Variants in RFX6 observed in about 807,000 individuals in gnomAD.
RFX6 encodes DNA-binding protein RFX6.
A neutral mutation model predicts 110.8 loss-of-function variants in RFX6; 50 were observed. The ratio of observed to expected loss-of-function variants is 0.45; its 90% CI spans 0.36 to 0.57. The LOEUF is 0.57. Among genes scored for constraint, RFX6 ranks in the 20% least tolerant of loss-of-function variants. The probability of loss-of-function intolerance (pLI) is 0.00; values close to 1 mark genes in which losing one functional copy is unlikely to be tolerated. For synonymous variants in RFX6, 383 were observed against 411.2 expected, an observed-to-expected ratio of 0.93 and a Z score of 0.83; for missense variants, 990 against 1,127.0, an observed-to-expected ratio of 0.88 and a Z score of 1.74.
rs959254261 is a variant in RFX6, at chr6:116,919,215, T to G, written c.1101T>G (p.Ala367=). The G allele has an allele frequency of 1.9e-6, 3 of 1,613,234 alleles. No homozygotes were observed. The highest frequency in any genetic ancestry group is 1.7e-5 in the Admixed American group (1 of 59,964). Residue 367 remains alanine (A), a synonymous_variant, in exon 11 of 19, where the codon GCT becomes GCG. Coordinates refer to ENST00000332958, the MANE Select transcript of RFX6 (RefSeq NM_173560.4). ...CATCCTTGGAAAACTTGCCAGAAGC[T>G]CTAACTGACAAGAAAATACCTATTG... ...VVSSLENLPE[A]LTDKKIPIVR...
intron 15 of RFX6, 41 bp from the exon 16 acceptor site, chr6:116,925,412 A>AG (rs1433335969): frequency 8.0e-7 from 1 of 1,250,392 alleles, no homozygotes; most frequent in Non-Finnish European, 1.2e-6. Context: ...GAGGAATGTG[A>AG]GAAAAAATCT....
chr6:116,911,970 A>G (rs1036850134), intron 7 of RFX6, among the ~76,000 whole-genome samples: 1 of 152,232 alleles, frequency 6.6e-6, no homozygotes, highest in Non-Finnish European at 1.5e-5. Flanking sequence ...GATGACAGCC[A>G]TACTCTGTTA....
At position 116,914,933 on chromosome 6, in the gene RFX6, T is replaced by C. The variant is rs115370119; in HGVS notation, c.781-1075T>C. Among the ~76,000 whole-genome samples, 924 of 152,308 alleles carry C rather than the reference T, an allele frequency of 6.1e-3. 8 individuals are homozygous for C. The highest frequency in any genetic ancestry group is 0.021 in the African/African-American group (880 of 41,574). On this transcript the variant is annotated intron_variant, in intron 7 of 18. Coordinates refer to ENST00000332958, the MANE Select transcript of RFX6 (RefSeq NM_173560.4). ...TTAGATATGAGGAAATTAAAGCACA[T>C]AAATATCAAGTAGTGTGCCTAATGT...
Position 116,905,784 on chromosome 6 carries a change from T to C in RFX6, c.673-5151T>C, listed in dbSNP as rs191932243. On this transcript the variant is annotated intron_variant, in intron 6 of 18. Transcript: ENST00000332958. ...CCAGGATGTTCTCAATCTCTTGACC[T>C]CATGATCCACCCACCTCAGCCTCCC... Among the ~76,000 whole-genome samples the C allele has an allele frequency of 1.9e-3, 285 of 152,180 alleles. 1 individual carries two copies. Among genetic ancestry groups the C allele is most frequent in the Middle Eastern group, 6.8e-3 (2 of 294 alleles).
chr6:116,909,630 TA>T (rs5879393), intron 6 of RFX6, among the ~76,000 whole-genome samples: 53,664 of 149,028 alleles, frequency 0.36, 10,590 homozygotes, highest in East Asian at 0.51. Flanking sequence ...AGTTATTAAT[TA>T]AAAAATTAAG....
At chr6:116,900,999 T>G (rs339299) in intron 6 of RFX6, among the ~76,000 whole-genome samples, 59,062 of 149,490 alleles carry the variant, frequency 0.4, 11,673 homozygotes, top group African/African-American at 0.45. Context: ...CAGTAGAAAC[T>G]GTACTTCGAG....
At position 116,932,073 on chromosome 6, in the gene RFX6, G is replaced by GATTCT. The variant is rs1775898103; in HGVS notation, c.*570_*574dup. The GATTCT allele has an allele frequency of 6.5e-6, 1 of 153,180 alleles. No individual in the cohort carries two copies. The highest frequency in any genetic ancestry group is 2.4e-5 in the African/African-American group (1 of 41,434). 9.5% of individuals were successfully genotyped at this position (153,180 alleles called of 1,614,324 possible). Reference sequence around the variant, plus strand: ...GATTTCTGTCACATAGCAGCATTCCGATTCTATGTAACTGAATGGAGATGA... The same window carrying GATTCT: ...GATTTCTGTCACATAGCAGCATTCCGATTCTATTCTATGTAACTGAATGGAGATGA... On this transcript the variant is annotated 3_prime_UTR_variant, in exon 19 of 19. Coordinates refer to ENST00000332958, the MANE Select transcript of RFX6 (RefSeq NM_173560.4).
At chr6:116,926,083 G>A (rs527809970) in intron 16 of RFX6, among the ~76,000 whole-genome samples, 15 of 152,192 alleles carry the variant, frequency 9.9e-5, no homozygotes, top group East Asian at 3.9e-4. Context: ...TTGGGAGGCC[G>A]AGGCGAGCAG....
chr6:116,925,730 T>C, intron 16 of RFX6, 71 bp downstream of exon 16: 2 of 1,004,408 alleles, frequency 2.0e-6, no homozygotes, highest in Non-Finnish European at 3.1e-6. Context: ...TTCTTAAAAC[T>C]CATAACTTCC....
intron 12 of RFX6, among the ~76,000 whole-genome samples, chr6:116,921,839 A>G (rs973793145): frequency 1.3e-5 from 2 of 151,916 alleles, no homozygotes; most frequent in Admixed American, 1.3e-4. Context: ...TCTCACACAC[A>G]CACCATTGAA....
intron 4 of RFX6, among the ~76,000 whole-genome samples, chr6:116,891,414 G>A (rs551098241): frequency 6.6e-6 from 1 of 152,288 alleles, no homozygotes; most frequent in Admixed American, 6.5e-5. Context: ...TATAATAAAA[G>A]AAGTTTATCA....
intron 9 of RFX6, 51 bp downstream of exon 9, chr6:116,916,365 C>T (rs376140018): frequency 3.0e-6 from 3 of 990,174 alleles, no homozygotes; most frequent in South Asian, 1.3e-5. Flanking sequence ...CTTTACGTAG[C>T]ATTCTATCTA....
Position 116,925,665 on chromosome 6 carries a change from C to A in RFX6, c.1885+6C>A. 6.2e-7 allele frequency: 1 copy of A among 1,600,124 alleles called. No individual in the cohort carries two copies. Among genetic ancestry groups the A allele is most frequent in the Non-Finnish European group, 8.6e-7 (1 of 1,167,752 alleles). ...AGACAACATGCCGCTCACAGGTACG[C>A]TAAAGAGAACTGCTTAGGCTCCAGC... On this transcript the variant is annotated splice_donor_region_variant and intron_variant, in intron 16 of 18. Transcript: ENST00000332958.
intron 7 of RFX6, among the ~76,000 whole-genome samples, chr6:116,913,749 G>A (rs1384612801): frequency 6.6e-6 from 1 of 152,082 alleles, no homozygotes; most frequent in Non-Finnish European, 1.5e-5. Flanking sequence ...GAAGATAAAG[G>A]CTTACTTGTA....
At position 116,924,737 on chromosome 6, in the gene RFX6, A is replaced by G. The variant is rs1445059996; in HGVS notation, c.1624A>G (p.Asn542Asp). Residue 542 changes from asparagine (N) to aspartate (D), a missense_variant, in exon 15 of 19, where the codon AAT (asparagine) becomes GAT (aspartate). Physicochemically the swap from Asn to Asp is conservative, Grantham distance 23 (BLOSUM62 1). Transcript: ENST00000332958. ...CCTGGCCATGGAGACCCAGTTTAAT[A>G]ATGACAAAGAGCAGGAGTTACAGAA... ...ILLAMETQFN[N>D]DKEQELQNLL... The G allele has an allele frequency of 1.3e-6, 2 of 1,597,530 alleles. No homozygotes were observed. Among genetic ancestry groups the G allele is most frequent in the Non-Finnish European group, 1.7e-6 (2 of 1,164,844 alleles).
chr6:116,881,192 G>C (rs1308799344), intron 3 of RFX6, among the ~76,000 whole-genome samples: 1 of 152,032 alleles, frequency 6.6e-6, no homozygotes, highest in African/African-American at 2.4e-5. Flanking sequence ...TACCCAACCT[G>C]TGTGGTTAGG....
intron 16 of RFX6, among the ~76,000 whole-genome samples, chr6:116,926,145 C>T (rs1026156740): frequency 5.3e-5 from 8 of 152,194 alleles, no homozygotes; most frequent in Non-Finnish European, 8.8e-5. Flanking sequence ...GGCAAAACCC[C>T]GTCTCTACTA....
intron 14 of RFX6, among the ~76,000 whole-genome samples, chr6:116,923,736 C>T (rs1023034943): frequency 2.0e-5 from 3 of 152,222 alleles, no homozygotes; most frequent in African/African-American, 7.2e-5. Flanking sequence ...GACACACTGT[C>T]ATGTTTCTGA....
Position 116,922,031 on chromosome 6 carries a change from TTC to T in RFX6, c.1328-10_1328-9del. ...TTTCTTTTCTTTCTTTTTTTTTTTT[TTC>T]CTGGGTAGATGACTCTATCACTGTG... On this transcript the variant is annotated splice_polypyrimidine_tract_variant and intron_variant, in intron 12 of 18. Transcript: ENST00000332958. 1 of 1,184,696 alleles carries T rather than the reference TTC, an allele frequency of 8.4e-7. No homozygotes were observed. The highest frequency in any genetic ancestry group is 1.9e-4 in the Middle Eastern group (1 of 5,176). The allele number at this position is 1,184,696 out of a possible 1,614,324, so 73.4% of individuals were successfully genotyped here. A position where few individuals can be genotyped will look rare whatever the true frequency, so the allele number is the denominator to read the frequency against.
Sources: allele counts gnomAD v4.1 joint callset (sites outside exome capture counted in the v4.1 genomes callset), GRCh38; gene constraint gnomAD v4.1.1; transcripts MANE v1.5; gene names NCBI Gene and HGNC (gene_info 2026-07-23, HGNC 2026-07-21).